Variants in CLNS1A observed in about 807,000 individuals in gnomAD.
The protein encoded by CLNS1A is methylosome subunit pICln.
In CLNS1A, 16 loss-of-function variants were observed where a neutral mutation model predicts 29.4. The ratio of observed to expected loss-of-function variants is 0.54; its 90% CI spans 0.37 to 0.83. The LOEUF (loss-of-function observed/expected upper bound fraction) is 0.83, where lower values mean the gene tolerates loss of function less well. Among genes scored for constraint, CLNS1A ranks in the 40% least tolerant of loss-of-function variants. CLNS1A has a pLI of 0.00. For missense variants in CLNS1A, 235 were observed against 287.4 expected, an observed-to-expected ratio of 0.82 and a Z score of 1.32; for synonymous variants, 96 against 104.8, an observed-to-expected ratio of 0.92 and a Z score of 0.51.
In CLNS1A at chr11:77,620,044, G is replaced by C. The variant is rs144177039; in HGVS notation, c.647-349C>G. On this transcript the variant is annotated intron_variant, in intron 5 of 6. Transcript: ENST00000525428. ...CAGCCCTATCCTCACAAAGTGAAAA[G>C]ACAAAAATCAGTACAGCAAGCTTTT... Among the ~76,000 whole-genome samples the C allele has an allele frequency of 1.4e-4, 21 of 152,138 alleles. No individual in the cohort carries two copies. The East Asian group carries it at 4.1e-3, about 29-fold the overall frequency.
intron 2 of CLNS1A, 40 bp downstream of exon 2, chr11:77,629,723 C>T (rs1217301093): frequency 6.3e-6 from 10 of 1,590,340 alleles, no homozygotes; most frequent in Non-Finnish European, 8.6e-6. Context: ...ATATAATTTG[C>T]TATCAAAGGA....
At position 77,625,012 on chromosome 11, in the gene CLNS1A, A is replaced by T; in HGVS notation, c.423T>A (p.Asp141Glu). The T allele has an allele frequency of 6.2e-7, 1 of 1,614,042 alleles. No homozygotes were observed. The highest frequency in any genetic ancestry group is 8.5e-7 in the Non-Finnish European group (1 of 1,179,916). ...ECQALHPDPE[D>E]EDSDDYDGEE... The stretch of plus-strand genomic sequence containing the variant: ...CTCCATCGTAGTCATCTGAATCCTC[A>T]TCCTCAGGATCTGGATGCAAGGCCT... Residue 141 changes from aspartate to glutamate, a missense_variant, in exon 4 of 7, where the codon GAT becomes GAA. Asp to Glu is a conservative substitution (Grantham distance 45). Transcript: ENST00000525428.
chr11:77,633,339 A>G (rs1272138975), intron 1 of CLNS1A, among the ~76,000 whole-genome samples: 1 of 152,200 alleles, frequency 6.6e-6, no homozygotes, highest in Non-Finnish European at 1.5e-5. Flanking sequence ...TGATGTAGAG[A>G]AACATAAAAG....
rs553275191 is a variant in CLNS1A at position 77,635,709 on chromosome 11, T to A, written c.125+1881A>T. 3.9e-5 allele frequency among the ~76,000 whole-genome samples: 6 copies of A among 152,140 alleles called. No individual in the cohort carries two copies. The South Asian group carries it at 6.2e-4, about 16-fold the overall frequency. On this transcript the variant is annotated intron_variant, in intron 1 of 6. Coordinates refer to ENST00000525428, the MANE Select transcript of CLNS1A (RefSeq NM_001293.3). ...ATACAGGACTGTCCCTCAAAAGGAG[T>A]TATAATACTGAAAGAAGCGTCAACA... is the stretch of plus-strand genomic sequence containing the variant.
At chr11:77,629,341 C>A (rs927187111) in intron 2 of CLNS1A, among the ~76,000 whole-genome samples, 4 of 152,172 alleles carry the variant, frequency 2.6e-5, no homozygotes, top group African/African-American at 7.2e-5. Context: ...AAACTACTAC[C>A]CAAAATGAGT....
intron 1 of CLNS1A, among the ~76,000 whole-genome samples, chr11:77,633,962 T>G (rs1959098434): frequency 6.6e-6 from 1 of 151,984 alleles, no homozygotes; most frequent in African/African-American, 2.4e-5. Context: ...TAGCCAGGCA[T>G]GGTGGTGCAT....
chr11:77,625,228 T>A (rs1042239523), intron 3 of CLNS1A, 158 bp from the exon 4 acceptor site: 4 of 605,972 alleles, frequency 6.6e-6, no homozygotes, highest in Non-Finnish European at 1.2e-5. Context: ...AGACAAGTCA[T>A]AAAATAATAA....
At chr11:77,627,385 G>A (rs780309706) in intron 2 of CLNS1A, among the ~76,000 whole-genome samples, 1 of 150,574 alleles carries the variant, frequency 6.6e-6, no homozygotes, top group South Asian at 2.1e-4. Flanking sequence ...GTTGCAGTGA[G>A]TCAAGATCGC....
intron 2 of CLNS1A, among the ~76,000 whole-genome samples, chr11:77,626,172 G>C (rs1279176038): frequency 1.3e-5 from 2 of 152,106 alleles, no homozygotes; most frequent in Admixed American, 1.3e-4. Context: ...GGACACCCTT[G>C]CCCTCTCAGG....
At chr11:77,634,159 AT>A (rs1959100857) in intron 1 of CLNS1A, among the ~76,000 whole-genome samples, 1 of 152,102 alleles carries the variant, frequency 6.6e-6, no homozygotes, top group Admixed American at 6.6e-5. Context: ...TAAGCCGGAG[AT>A]TCTAAATCTT....
intron 4 of CLNS1A, among the ~76,000 whole-genome samples, chr11:77,623,767 T>C (rs1335897206): frequency 1.3e-5 from 2 of 152,140 alleles, no homozygotes; most frequent in African/African-American, 2.4e-5. Context: ...GGAAAGGGCT[T>C]TGGATACCCA....
chr11:77,628,223 C>T (rs1024034283), intron 2 of CLNS1A, among the ~76,000 whole-genome samples: 3 of 152,186 alleles, frequency 2.0e-5, no homozygotes, highest in Non-Finnish European at 4.4e-5. Context: ...CCTTTCCCAC[C>T]TCCAATGGCC....
At chr11:77,622,409 T>G (rs1958968001) in intron 5 of CLNS1A, 91 bp downstream of exon 5, 2 of 889,520 alleles carry the variant, frequency 2.2e-6, no homozygotes, top group Non-Finnish European at 3.4e-6. Flanking sequence ...GTCAATTCTT[T>G]CTCTTAGTTA....
chr11:77,630,015 C>G (rs1959059251), intron 1 of CLNS1A, 116 bp from the exon 2 acceptor site: 1 of 860,498 alleles, frequency 1.2e-6, no homozygotes, highest in African/African-American at 1.7e-5. Context: ...TTCAAGTTTA[C>G]TTTTTTAGAA....
At chr11:77,619,969 G>C (rs777086764) in intron 5 of CLNS1A, among the ~76,000 whole-genome samples, 3 of 152,144 alleles carry the variant, frequency 2.0e-5, no homozygotes, top group Non-Finnish European at 4.4e-5. Flanking sequence ...AGTATCAATT[G>C]TTCACCCTTT....
chr11:77,621,817 G>A, intron 5 of CLNS1A: 1 of 380,078 alleles, frequency 2.6e-6, no homozygotes, highest in Non-Finnish European at 5.2e-6. Context: ...TGCATAGTGT[G>A]GTGGGTCTCA....
At chr11:77,618,326 A>G (rs1212585150) in intron 6 of CLNS1A, among the ~76,000 whole-genome samples, 3 of 152,248 alleles carry the variant, frequency 2.0e-5, no homozygotes, top group Non-Finnish European at 4.4e-5. Flanking sequence ...AGTTGATATC[A>G]AAGGATTTCC....
At chr11:77,617,367 C>CAAAAAAAAAA (rs71043593) in intron 6 of CLNS1A, among the ~76,000 whole-genome samples, 1 of 65,864 alleles carries the variant, frequency 1.5e-5, no homozygotes, top group African/African-American at 6.6e-5. Flanking sequence ...AACTCCATCT[C>CAAAAAAAAAA]AAAAAAAAAA....
Position 77,637,480 on chromosome 11 carries a change from G to C in CLNS1A, c.125+110C>G, listed in dbSNP as rs1001887491. Reference sequence around the variant, plus strand: ...CCTGAGGCGTCGGGCACGAGACCCCGCTCCCAGCAGGCCTCCAGGCCGCCC... The same window carrying C: ...CCTGAGGCGTCGGGCACGAGACCCCCCTCCCAGCAGGCCTCCAGGCCGCCC... On this transcript the variant is annotated intron_variant, in intron 1 of 6. Coordinates refer to ENST00000525428, the MANE Select transcript of CLNS1A (RefSeq NM_001293.3). 2.9e-6 allele frequency: 4 copies of C among 1,387,036 alleles called. No homozygotes were observed. The East Asian group carries it at 1.0e-4, about 36-fold the overall frequency. 85.9% of individuals were successfully genotyped at this position (1,387,036 alleles called of 1,614,324 possible).
Sources: gnomAD v4.1 joint callset for allele counts (sites outside exome capture counted in the v4.1 genomes callset) on GRCh38, gnomAD v4.1.1 for gene constraint, MANE v1.5 for transcripts, NCBI Gene and HGNC (gene_info 2026-07-23, HGNC 2026-07-21) for gene names.